The following MLIP variants were observed in gnomAD, a reference collection of about 807,000 sequenced individuals.
The protein encoded by MLIP is muscular LMNA-interacting protein.
Under a neutral mutation model 84.8 loss-of-function variants are expected in MLIP, and 79 were observed. The observed-to-expected ratio is 0.93, with a 90% CI of 0.78 to 1.12. MLIP has a LOEUF of 1.12. Ranked by LOEUF, MLIP falls within the 50% of genes most tolerant of loss-of-function variation. MLIP has a pLI of 0.00. For missense variants in MLIP, 1,257 were observed against 1,160.6 expected (o/e 1.08, Z -1.21); for synonymous variants, 504 against 463.0 (o/e 1.09, Z -1.14).
intron 9 of MLIP, among the ~76,000 whole-genome samples, chr6:54,177,321 C>T (rs1776387647): frequency 6.6e-6 from 1 of 152,004 alleles, no homozygotes; most frequent in Non-Finnish European, 1.5e-5. Flanking sequence ...TATCCAGAAT[C>T]TACAAGGAAC....
intron 5 of MLIP, among the ~76,000 whole-genome samples, chr6:54,151,287 G>C (rs900660447): frequency 6.6e-6 from 1 of 151,976 alleles, no homozygotes; most frequent in East Asian, 1.9e-4. Context: ...TTATCTAAAG[G>C]TTTTATGAGT....
At chr6:54,254,179 T>G (rs1229280174) in intron 12 of MLIP, among the ~76,000 whole-genome samples, 2 of 149,802 alleles carry the variant, frequency 1.3e-5, no homozygotes, top group Non-Finnish European at 3.0e-5. Context: ...CAGGCTAGAG[T>G]GCAGTGGCGT....
At chr6:54,144,108 T>C (rs1772570238) in intron 4 of MLIP, among the ~76,000 whole-genome samples, 1 of 152,090 alleles carries the variant, frequency 6.6e-6, no homozygotes, top group Admixed American at 6.6e-5. Context: ...ATTATCAGGA[T>C]CATTATAGAT....
chr6:54,207,419 C>CG (rs1779112249), intron 11 of MLIP, among the ~76,000 whole-genome samples: 1 of 142,500 alleles, frequency 7.0e-6, no homozygotes, highest in East Asian at 2.3e-4. Flanking sequence ...ACCCCCCCCC[C>CG]CTTTTTTGAC....
chr6:54,219,827 C>G lies in MLIP; in HGVS notation c.2719-10887C>G, dbSNP rs142350728. Among the ~76,000 whole-genome samples, 704 of 152,272 alleles carry G rather than the reference C, an allele frequency of 4.6e-3. 4 individuals carry two copies. The highest frequency in any genetic ancestry group is 0.016 in the African/African-American group (657 of 41,546). The stretch of plus-strand genomic sequence containing the variant: ...GGCCTTTCTAACTTGGGGTGATGGA[C>G]AGTGAGCCCTCAGTTGGCCATTCCT... On this transcript the variant is annotated intron_variant, in intron 11 of 13. Transcript: ENST00000502396.
intron 12 of MLIP, among the ~76,000 whole-genome samples, chr6:54,239,312 C>T (rs779433047): frequency 4.1e-5 from 6 of 146,954 alleles, no homozygotes; most frequent in Admixed American, 2.0e-4. Flanking sequence ...ATGTATACTC[C>T]TATGTAGATG....
intron 1 of MLIP, among the ~76,000 whole-genome samples, chr6:54,047,770 G>T (rs918840372): frequency 1.3e-5 from 2 of 152,204 alleles, no homozygotes; most frequent in African/African-American, 2.4e-5. Flanking sequence ...TTTACTCTGT[G>T]ACAGTTACTG....
intron 1 of MLIP, among the ~76,000 whole-genome samples, chr6:54,034,090 T>G (rs1184310015): frequency 6.6e-6 from 1 of 152,200 alleles, no homozygotes; most frequent in African/African-American, 2.4e-5. Context: ...TTGCCAAAAT[T>G]TTGACTACTT....
intron 3 of MLIP, among the ~76,000 whole-genome samples, chr6:54,131,024 TA>T (rs1771331006): frequency 1.3e-5 from 2 of 152,268 alleles, no homozygotes; most frequent in Non-Finnish European, 2.9e-5. Context: ...TTAGGAAAAA[TA>T]AACCATTGTA....
At chr6:54,054,160 T>C (rs889413981) in intron 1 of MLIP, among the ~76,000 whole-genome samples, 1 of 152,204 alleles carries the variant, frequency 6.6e-6, no homozygotes, top group African/African-American at 2.4e-5. Flanking sequence ...AAAGGCTCTC[T>C]TGCTGAAAGA....
intron 1 of MLIP, chr6:54,029,428 G>C (rs997629458): frequency 7.9e-5 from 12 of 152,054 alleles, no homozygotes; most frequent in African/African-American, 2.7e-4. Context: ...TTTGCCTTCT[G>C]TCCCTTCCAC....
At chr6:54,138,605 TAA>T (rs1252707510) in intron 4 of MLIP, among the ~76,000 whole-genome samples, 1 of 152,156 alleles carries the variant, frequency 6.6e-6, no homozygotes, top group Non-Finnish European at 1.5e-5. Context: ...ATGACAGAAT[TAA>T]AAGCAAGTAG....
At chr6:54,161,959 T>C (rs1158840521) in intron 8 of MLIP, among the ~76,000 whole-genome samples, 2 of 151,978 alleles carry the variant, frequency 1.3e-5, no homozygotes, top group Non-Finnish European at 2.9e-5. Flanking sequence ...TTAAATATAA[T>C]GAGAATAGGA....
At chr6:54,150,388 G>A (rs1368888553) in intron 5 of MLIP, among the ~76,000 whole-genome samples, 1 of 152,178 alleles carries the variant, frequency 6.6e-6, no homozygotes, top group Non-Finnish European at 1.5e-5. Flanking sequence ...GGAGGTTGTG[G>A]AAAGGGACAC....
At chr6:54,023,693 C>T (rs953438429) in intron 1 of MLIP, among the ~76,000 whole-genome samples, 1 of 151,906 alleles carries the variant, frequency 6.6e-6, no homozygotes, top group South Asian at 2.1e-4. Context: ...CCTCAGCTTC[C>T]CGGGTAGCTG....
intron 5 of MLIP, 83 bp from the exon 6 acceptor site, chr6:54,160,284 T>C: frequency 9.2e-7 from 1 of 1,083,522 alleles, no homozygotes; most frequent in South Asian, 1.4e-5. Context: ...TATTAATACA[T>C]ACAAGGCTTT....
At chr6:54,045,314 T>A (rs979634991) in intron 1 of MLIP, 1 of 145,966 alleles carries the variant, frequency 6.9e-6, no homozygotes, top group Non-Finnish European at 1.5e-5. Context: ...GCCATTGCCC[T>A]CCAGCCTGGG....
At chr6:54,162,308 T>C (rs919320376) in intron 8 of MLIP, among the ~76,000 whole-genome samples, 10 of 152,108 alleles carry the variant, frequency 6.6e-5, no homozygotes, top group South Asian at 4.1e-4. Context: ...TCCTGAAGCA[T>C]GAAAGAGCTT....
intron 1 of MLIP, chr6:54,032,498 A>G (rs1764196751): frequency 6.6e-6 from 1 of 152,136 alleles, no homozygotes; most frequent in Admixed American, 6.5e-5. Flanking sequence ...AATATCTGGA[A>G]CTTTTGTGCA....
Sources: gnomAD v4.1 joint callset for allele counts (sites outside exome capture counted in the v4.1 genomes callset) on GRCh38, gnomAD v4.1.1 for gene constraint, MANE v1.5 for transcripts, NCBI Gene and HGNC (gene_info 2026-07-23, HGNC 2026-07-21) for gene names.